SPATS2: variants seen among roughly 807,000 people sequenced by gnomAD.
SPATS2 encodes spermatogenesis-associated serine-rich protein 2.
Under a neutral mutation model 63.7 loss-of-function variants are expected in SPATS2, and 38 were observed. The observed-to-expected ratio is 0.60, with a 90% confidence interval of 0.46 to 0.78. The LOEUF is 0.78. SPATS2 is among the 30% of genes least tolerant of loss of function. SPATS2 has a pLI of 0.00. For missense variants in SPATS2, 588 were observed against 666.2 expected, an observed-to-expected ratio of 0.88 and a Z score of 1.29; for synonymous variants, 207 against 232.9, an observed-to-expected ratio of 0.89 and a Z score of 1.01.
intron 2 of SPATS2, among the ~76,000 whole-genome samples, chr12:49,445,112 T>G (rs2137573891): frequency 6.6e-6 from 1 of 152,332 alleles, no homozygotes; most frequent in East Asian, 1.9e-4. Flanking sequence ...TCTTTCATCC[T>G]TATTGCACTG....
intron 8 of SPATS2, 134 bp from the exon 9 acceptor site, chr12:49,499,936 C>T (rs1946535448): frequency 1.7e-6 from 1 of 603,344 alleles, no homozygotes; most frequent in Non-Finnish European, 2.4e-6. Context: ...ATGTTTTTCT[C>T]ATTGGGGAAG....
chr12:49,475,629 A>C (rs769126362), intron 3 of SPATS2, among the ~76,000 whole-genome samples: 6 of 152,102 alleles, frequency 3.9e-5, no homozygotes, highest in Non-Finnish European at 8.8e-5. Context: ...TTTTTAGTAG[A>C]GAGGGTTTCA....
At chr12:49,438,886 T>C (rs1010852724) in intron 2 of SPATS2, among the ~76,000 whole-genome samples, 3 of 152,216 alleles carry the variant, frequency 2.0e-5, no homozygotes, top group Non-Finnish European at 4.4e-5. Context: ...ACAAGAATTA[T>C]CAAGATAATC....
chr12:49,464,865 A>G (rs1271784350), intron 3 of SPATS2, among the ~76,000 whole-genome samples: 4 of 151,906 alleles, frequency 2.6e-5, no homozygotes, highest in Non-Finnish European at 5.9e-5. Flanking sequence ...TTATCCCCCA[A>G]TATTCTCTTG....
intron 9 of SPATS2, among the ~76,000 whole-genome samples, chr12:49,512,031 A>G (rs1946761848): frequency 6.6e-6 from 1 of 152,270 alleles, no homozygotes; most frequent in African/African-American, 2.4e-5. Context: ...TTTAGCATAA[A>G]TAACCTAAAA....
chr12:49,498,911 C>T (rs566555176), intron 8 of SPATS2, among the ~76,000 whole-genome samples: 41 of 151,590 alleles, frequency 2.7e-4, no homozygotes, highest in Non-Finnish European at 2.4e-4. Flanking sequence ...CTCAGCCTCC[C>T]GAGTAGCTGG....
At chr12:49,489,405 G>T in intron 4 of SPATS2, 60 bp from the exon 5 acceptor site, 1 of 1,294,532 alleles carries the variant, frequency 7.7e-7, no homozygotes, top group Non-Finnish European at 1.1e-6. Context: ...CTCTGTATAG[G>T]CCTCAGCTGC....
intron 2 of SPATS2, among the ~76,000 whole-genome samples, chr12:49,441,564 A>G (rs1051304588): frequency 1.3e-5 from 2 of 152,146 alleles, no homozygotes; most frequent in African/African-American, 4.8e-5. Flanking sequence ...ACTCTAGTGA[A>G]TCTCTTTACC....
At chr12:49,482,675 GACT>G (rs2137823436) in intron 3 of SPATS2, among the ~76,000 whole-genome samples, 1 of 152,264 alleles carries the variant, frequency 6.6e-6, no homozygotes, top group Admixed American at 6.5e-5. Flanking sequence ...TTGGGATCTT[GACT>G]GAAATAGCTG....
intron 2 of SPATS2, among the ~76,000 whole-genome samples, chr12:49,397,067 C>T (rs560916335): frequency 8.6e-4 from 131 of 152,270 alleles, no homozygotes; most frequent in African/African-American, 3.0e-3. Flanking sequence ...CCTTGTGTTC[C>T]CACTCGCTAC....
intron 2 of SPATS2, among the ~76,000 whole-genome samples, chr12:49,384,362 G>A (rs1314368341): frequency 2.0e-5 from 3 of 152,282 alleles, no homozygotes; most frequent in Middle Eastern, 6.8e-3. Context: ...AATGTAATAT[G>A]CTTATTGTAC....
At chr12:49,487,411 C>G (rs1275804925) in intron 4 of SPATS2, among the ~76,000 whole-genome samples, 1 of 152,134 alleles carries the variant, frequency 6.6e-6, no homozygotes, top group Non-Finnish European at 1.5e-5. Context: ...TTGCTTGAAC[C>G]TGGGAGGCAG....
At chr12:49,464,568 G>A (rs984529571) in intron 3 of SPATS2, among the ~76,000 whole-genome samples, 8 of 148,046 alleles carry the variant, frequency 5.4e-5, no homozygotes, top group African/African-American at 1.2e-4. Flanking sequence ...TGGAGGTTGC[G>A]ATGAGCCGAG....
At chr12:49,458,319 T>G (rs1945755651) in intron 2 of SPATS2, among the ~76,000 whole-genome samples, 1 of 150,528 alleles carries the variant, frequency 6.6e-6, no homozygotes, top group African/African-American at 2.5e-5. Context: ...AATACAAAAA[T>G]TAGTCGGGTG....
chr12:49,460,128 C>T (rs1945796103), intron 2 of SPATS2, among the ~76,000 whole-genome samples: 1 of 150,798 alleles, frequency 6.6e-6, no homozygotes, highest in Admixed American at 6.6e-5. Flanking sequence ...AACAAACAAA[C>T]AAAAAAAGAA....
At chr12:49,383,903 A>G (rs1163650652) in intron 2 of SPATS2, among the ~76,000 whole-genome samples, 1 of 152,144 alleles carries the variant, frequency 6.6e-6, no homozygotes, top group African/African-American at 2.4e-5. Context: ...TCTTCTAAAC[A>G]TTTTGGTGAA....
At chr12:49,471,912 G>A (rs933830491) in intron 3 of SPATS2, among the ~76,000 whole-genome samples, 1 of 151,992 alleles carries the variant, frequency 6.6e-6, no homozygotes. Context: ...ACTTTGGGAG[G>A]GTCATTTGAG....
At chr12:49,414,233 T>C (rs114407838) in intron 2 of SPATS2, among the ~76,000 whole-genome samples, 438 of 152,262 alleles carry the variant, frequency 2.9e-3, no homozygotes, top group African/African-American at 0.01. Context: ...AGTTTTAATG[T>C]ATTAGATAAA....
intron 2 of SPATS2, among the ~76,000 whole-genome samples, chr12:49,434,290 A>G (rs1945235351): frequency 6.6e-6 from 1 of 152,292 alleles, no homozygotes; most frequent in South Asian, 2.1e-4. Context: ...TTAAATATAT[A>G]CATAACATAA....
Sources: allele counts gnomAD v4.1 joint callset (sites outside exome capture counted in the v4.1 genomes callset), GRCh38; gene constraint gnomAD v4.1.1; transcripts MANE v1.5; gene names NCBI Gene and HGNC (gene_info 2026-07-23, HGNC 2026-07-21).